Variants in CTIF observed in about 807,000 individuals in gnomAD.
CTIF encodes cap binding complex dependent translation initiation factor, also known as CBP80/20-dependent translation initiation factor.
CTIF carries 21 observed loss-of-function variants against 66.0 expected under a neutral mutation model. That is an observed-to-expected ratio of 0.32 (90% CI 0.23 to 0.46). CTIF has a LOEUF of 0.46. Among genes scored for constraint, CTIF ranks in the 20% least tolerant of loss-of-function variants. The probability of loss-of-function intolerance (pLI) is 1.00; values close to 1 mark genes in which losing one functional copy is unlikely to be tolerated. For synonymous variants in CTIF, 345 were observed against 326.4 expected (o/e 1.06, Z -0.62); for missense variants, 739 against 812.7 (o/e 0.91, Z 1.10).
At chr18:48,643,099 T>A (rs976351630) in intron 3 of CTIF, among the ~76,000 whole-genome samples, 17 of 152,190 alleles carry the variant, frequency 1.1e-4, no homozygotes, top group African/African-American at 4.1e-4. Context: ...GGGGCTGAAC[T>A]TTTCTTTCCC....
chr18:48,859,199 C>A, intron 11 of CTIF, 145 bp from the exon 12 acceptor site: 1 of 708,222 alleles, frequency 1.4e-6, no homozygotes, highest in South Asian at 1.6e-5. Context: ...CTCTCCCTGT[C>A]CTCATTCCAG....
chr18:48,790,036 C>T (rs1176053995), intron 9 of CTIF, among the ~76,000 whole-genome samples: 3 of 152,164 alleles, frequency 2.0e-5, no homozygotes, highest in Non-Finnish European at 4.4e-5. Flanking sequence ...TGCCATGGGG[C>T]CATTGTGAAG....
chr18:48,684,541 G>A, intron 6 of CTIF, among the ~76,000 whole-genome samples: 1 of 151,920 alleles, frequency 6.6e-6, no homozygotes, highest in Middle Eastern at 3.2e-3. Context: ...CTTATTATGA[G>A]AGAGAAGAAT....
chr18:48,617,816 T>A (rs16949657), intron 1 of CTIF, among the ~76,000 whole-genome samples: 6,058 of 152,200 alleles, frequency 0.04, 433 homozygotes, highest in African/African-American at 0.14. Flanking sequence ...GTCCGCTGAT[T>A]CCTCCCTCTA....
chr18:48,648,310 T>C (rs1821143119), intron 3 of CTIF, among the ~76,000 whole-genome samples: 4 of 152,118 alleles, frequency 2.6e-5, no homozygotes, highest in Admixed American at 6.5e-5. Flanking sequence ...TGTCCCAGCA[T>C]GAAAGGAATG....
intron 1 of CTIF, 104 bp from the exon 2 acceptor site, chr18:48,619,434 T>C (rs1311545746): frequency 2.8e-6 from 2 of 717,920 alleles, no homozygotes; most frequent in Non-Finnish European, 2.1e-6. Context: ...AACGCCATGA[T>C]GGATAAGAAG....
chr18:48,697,138 T>G (rs1483935002), intron 6 of CTIF, among the ~76,000 whole-genome samples: 1 of 152,212 alleles, frequency 6.6e-6, no homozygotes, highest in Non-Finnish European at 1.5e-5. Flanking sequence ...GTGGATCCAG[T>G]AAGAATGGCC....
chr18:48,539,923 C>T (rs1599108712), intron 1 of CTIF: 1 of 152,226 alleles, frequency 6.6e-6, no homozygotes, highest in South Asian at 2.1e-4. Context: ...CGCCACGCCG[C>T]CCCTCCCTTC....
intron 6 of CTIF, among the ~76,000 whole-genome samples, chr18:48,708,646 C>A (rs2092189076): frequency 6.6e-6 from 1 of 152,198 alleles, no homozygotes; most frequent in African/African-American, 2.4e-5. Flanking sequence ...AGAGGGAGGA[C>A]CTCAGAGGGT....
At chr18:48,665,307 C>T (rs924303745) in intron 5 of CTIF, among the ~76,000 whole-genome samples, 14 of 152,218 alleles carry the variant, frequency 9.2e-5, no homozygotes, top group African/African-American at 3.4e-4. Flanking sequence ...CCTGATTTTA[C>T]ACTGGCTTTT....
chr18:48,564,804 A>T (rs539299583), intron 1 of CTIF: 8 of 79,622 alleles, frequency 1.0e-4, no homozygotes, highest in African/African-American at 3.0e-4. Context: ...TTTTGTAGAG[A>T]TGGGGGGTCT....
intron 7 of CTIF, among the ~76,000 whole-genome samples, chr18:48,713,912 G>T (rs547647672): frequency 2.0e-5 from 3 of 152,208 alleles, no homozygotes; most frequent in Non-Finnish European, 4.4e-5. Flanking sequence ...GCGTGTGCTC[G>T]TCGGGGCGCC....
intron 3 of CTIF, among the ~76,000 whole-genome samples, chr18:48,652,500 C>A (rs1264838443): frequency 6.6e-6 from 1 of 152,104 alleles, no homozygotes; most frequent in Non-Finnish European, 1.5e-5. Context: ...GAATAGCCTA[C>A]CAACCAAAAA....
intron 10 of CTIF, among the ~76,000 whole-genome samples, chr18:48,849,517 A>G (rs973297397): frequency 1.1e-4 from 17 of 148,548 alleles, no homozygotes; most frequent in African/African-American, 4.2e-4. Flanking sequence ...TTTAAAAACC[A>G]TTTTTTATTG....
chr18:48,816,314 G>A (rs1006486368), intron 9 of CTIF, among the ~76,000 whole-genome samples: 5 of 152,206 alleles, frequency 3.3e-5, no homozygotes, highest in African/African-American at 9.7e-5. Flanking sequence ...CCAAAGACAA[G>A]AGGTAGGGGA....
chr18:48,679,497 G>A (rs1378676980), intron 6 of CTIF, among the ~76,000 whole-genome samples: 1 of 152,186 alleles, frequency 6.6e-6, no homozygotes, highest in East Asian at 1.9e-4. Flanking sequence ...GGGAGATGGA[G>A]GGCAGGGACT....
At chr18:48,589,734 C>T (rs1272743568) in intron 1 of CTIF, among the ~76,000 whole-genome samples, 1 of 152,170 alleles carries the variant, frequency 6.6e-6, no homozygotes, top group Non-Finnish European at 1.5e-5. Context: ...CATTAATAAA[C>T]ATTTTGCTAG....
intron 8 of CTIF, 47 bp downstream of exon 8, chr18:48,758,452 G>C: frequency 6.5e-7 from 1 of 1,547,024 alleles, no homozygotes; most frequent in Non-Finnish European, 8.7e-7. Flanking sequence ...AGGGAGGACA[G>C]CAAGAGGTAG....
intron 1 of CTIF, among the ~76,000 whole-genome samples, chr18:48,570,558 A>C (rs1215337113): frequency 6.6e-6 from 1 of 152,110 alleles, no homozygotes; most frequent in Non-Finnish European, 1.5e-5. Context: ...GAAAAAGAGA[A>C]TCACAGGGCA....
Sources: allele counts gnomAD v4.1 joint callset (sites outside exome capture counted in the v4.1 genomes callset), GRCh38; gene constraint gnomAD v4.1.1; transcripts MANE v1.5; gene names NCBI Gene and HGNC (gene_info 2026-07-23, HGNC 2026-07-21).